The following DET1 variants were observed in gnomAD, a reference collection of about 807,000 sequenced individuals.
DET1 encodes DET1 partner of COP1 E3 ubiquitin ligase.
A neutral mutation model predicts 43.7 loss-of-function variants in DET1; 22 were observed. The ratio of observed to expected loss-of-function variants is 0.50; its 90% CI spans 0.36 to 0.72. The LOEUF (loss-of-function observed/expected upper bound fraction) is 0.72. DET1 is among the 30% of genes least tolerant of loss of function. The pLI is 0.00. For synonymous variants in DET1, 315 were observed against 266.2 expected, an observed-to-expected ratio of 1.18 and a Z score of -1.79; for missense variants, 713 against 713.3, an observed-to-expected ratio of 1.00 and a Z score of 0.00.
At chr15:88,543,203 C>T (rs764342643) in intron 1 of DET1, among the ~76,000 whole-genome samples, 1 of 152,144 alleles carries the variant, frequency 6.6e-6, no homozygotes, top group Admixed American at 6.5e-5. Flanking sequence ...ACTTTAAGAC[C>T]TTGGAGACAC....
intron 4 of DET1, among the ~76,000 whole-genome samples, chr15:88,514,581 C>T (rs1203292468): frequency 4.6e-5 from 7 of 152,154 alleles, no homozygotes; most frequent in Admixed American, 3.9e-4. Context: ...AATCATGGTA[C>T]ATCTATTTGA....
At position 88,535,567 on chromosome 15, in the gene DET1, G is replaced by A. The variant is rs1295883379; in HGVS notation, c.-10-3852C>T. On this transcript the variant is annotated intron_variant, in intron 1 of 4. Transcript: ENST00000268148. ...GCCCAGGAGTTCAAGACCAGCCTGG[G>A]CATCATGGCAAAACCCCATCTCTAC... 2.6e-5 allele frequency among the ~76,000 whole-genome samples: 4 copies of A among 152,108 alleles called. No homozygotes were observed. In the East Asian group the frequency reaches 5.8e-4, roughly 22 times the overall value.
At position 88,506,430 on chromosome 15, in the gene DET1, AT is replaced by A. The variant is rs35399927; in HGVS notation, c.*2066-2444del. Among the ~76,000 whole-genome samples, 986 of 148,558 alleles carry A rather than the reference AT, an allele frequency of 6.6e-3. 11 individuals are homozygous for A. Among genetic ancestry groups the A allele is most frequent in the African/African-American group, 0.02 (828 of 40,726 alleles). On this transcript the variant is annotated intron_variant and NMD_transcript_variant, in intron 7 of 8. Coordinates refer to the DET1 transcript ENST00000557842. ...TTGCCTGATAGGCAAAGACTTCAGA[AT>A]TTTTTTTTTTTCAAGCAGAGGGTTA...
At position 88,504,579 on chromosome 15, in the gene DET1, AT is replaced by A. The variant is rs2056120059; in HGVS notation, c.*2066-593del. Reference sequence around the variant, plus strand: ...GGACTGCCCCTCCCAGAGTTTGCTAATTCCTGGAGATAGCAAACAACTTGCC... The same window carrying A: ...GGACTGCCCCTCCCAGAGTTTGCTAATCCTGGAGATAGCAAACAACTTGCC... On this transcript the variant is annotated intron_variant and NMD_transcript_variant, in intron 7 of 8. Coordinates refer to the DET1 transcript ENST00000557842. This position sits in a 1 kb window ranked among gnomAD's most constrained non-coding sequence, Gnocchi z 4.7. 6.6e-6 allele frequency: 1 copy of A among 152,096 alleles called. No individual in the cohort carries two copies. Among genetic ancestry groups the A allele is most frequent in the Non-Finnish European group, 1.5e-5 (1 of 68,040 alleles). The allele number at this position is 152,096 out of a possible 1,614,324, so 9.4% of individuals were successfully genotyped here.
At chr15:88,527,543 G>A (rs190922142) in intron 3 of DET1, 56 bp downstream of exon 3, 441 of 1,484,808 alleles carry the variant, frequency 3.0e-4, no homozygotes, top group Middle Eastern at 1.6e-3. Flanking sequence ...AACAGCTATT[G>A]GCCTAACACC....
At chr15:88,523,466 T>C (rs902909309) in intron 3 of DET1, among the ~76,000 whole-genome samples, 2 of 152,132 alleles carry the variant, frequency 1.3e-5, no homozygotes, top group Non-Finnish European at 2.9e-5. Context: ...TTCTCCCCTT[T>C]ACACAGTCTC....
At chr15:88,512,264 G>T, downstream of DET1, 2 of 797,542 alleles carry the variant, frequency 2.5e-6, no homozygotes, top group Non-Finnish European at 3.0e-6. Flanking sequence ...ATTACACCCA[G>T]TTCCTCCAGC....
At chr15:88,525,796 G>C (rs1009055197) in intron 3 of DET1, among the ~76,000 whole-genome samples, 1 of 151,102 alleles carries the variant, frequency 6.6e-6, no homozygotes, top group Non-Finnish European at 1.5e-5. Flanking sequence ...CTAGTAGCTG[G>C]GACTACAGGC....
downstream of DET1, among the ~76,000 whole-genome samples, chr15:88,508,978 C>G (rs917600066): frequency 6.6e-6 from 1 of 152,140 alleles, no homozygotes; most frequent in East Asian, 1.9e-4. Flanking sequence ...AGACAGGATC[C>G]AGTGGACAGG....
chr15:88,533,753 A>G (rs1277988920), intron 1 of DET1, among the ~76,000 whole-genome samples: 1 of 150,880 alleles, frequency 6.6e-6, no homozygotes, highest in Non-Finnish European at 1.5e-5. Context: ...CAGGTGCCAT[A>G]GCACACACCT....
At chr15:88,511,504 C>A, downstream of DET1, 1 of 985,482 alleles carries the variant, frequency 1.0e-6, no homozygotes, top group South Asian at 4.7e-5. Flanking sequence ...GGTCATACAA[C>A]ACATTCCCAT....
At position 88,531,152 on chromosome 15, in the gene DET1, C is replaced by T. The variant is rs745794211; in HGVS notation, c.554G>A (p.Arg185Gln). 13 of 1,613,684 alleles carry T rather than the reference C, an allele frequency of 8.1e-6. No individual in the cohort carries two copies. The highest frequency in any genetic ancestry group is 1.7e-5 in the Admixed American group (1 of 59,984). The stretch of plus-strand genomic sequence containing the variant: ...GAGGGAATAGTCTTCTAGAGGGGAC[C>T]GTGGGTTGGGGGTCACTGATTCACT... ...RNSESVTPNP[R>Q]SPLEDYSLHI... Residue 185 changes from arginine to glutamine, a missense_variant, in exon 2 of 5, where the codon CGG becomes CAG. Physicochemically the swap from Arg to Gln is conservative, Grantham distance 43. Transcript: ENST00000268148. The surrounding 1 kb of genome is among the most constrained non-coding windows in gnomAD (Gnocchi z 6.2).
chr15:88,530,663 C>A lies in DET1; in HGVS notation c.1043G>T (p.Ser348Ile). 1 of 1,613,272 alleles carries A rather than the reference C, an allele frequency of 6.2e-7. No individual in the cohort carries two copies. The highest frequency in any genetic ancestry group is 8.5e-7 in the Non-Finnish European group (1 of 1,179,472). Residue 348 changes from serine (S) to isoleucine (I), a missense_variant, in exon 2 of 5, where the codon AGT becomes ATT. By Grantham distance (142) the Ser-to-Ile change is moderately radical. Transcript: ENST00000268148. ...DENHLFIKYT[S>I]EDVVTLRVTD... Reference sequence around the variant, plus strand: ...GACTCGCAGTGTTACTACATCCTCACTAGTGTACTTGATAAACAGGTGGTT... The same window carrying A: ...GACTCGCAGTGTTACTACATCCTCAATAGTGTACTTGATAAACAGGTGGTT...
intron 3 of DET1, among the ~76,000 whole-genome samples, chr15:88,522,535 A>T (rs1598325513): frequency 1.3e-4 from 2 of 15,046 alleles, no homozygotes; most frequent in African/African-American, 4.3e-4. Context: ...TTTGAGTTGG[A>T]GTCTCGTTCT....
At chr15:88,534,267 C>G (rs2056891478) in intron 1 of DET1, among the ~76,000 whole-genome samples, 1 of 152,152 alleles carries the variant, frequency 6.6e-6, no homozygotes, top group African/African-American at 2.4e-5. Flanking sequence ...AGTTATAAAG[C>G]TGTTGCCAGA....
downstream of DET1, chr15:88,512,434 G>C (rs184292319): frequency 1.6e-4 from 155 of 985,716 alleles, no homozygotes; most frequent in African/African-American, 2.6e-3. Context: ...GTACTTGAAA[G>C]CATTGAGTAT....
intron 1 of DET1, among the ~76,000 whole-genome samples, chr15:88,544,165 G>A (rs906516437): frequency 3.3e-5 from 5 of 152,164 alleles, no homozygotes; most frequent in African/African-American, 1.2e-4. Context: ...ATAGCTCAGT[G>A]GGTCAGTTAG....
chr15:88,538,434 C>T (rs1361454342), intron 1 of DET1, among the ~76,000 whole-genome samples: 1 of 151,250 alleles, frequency 6.6e-6, no homozygotes, highest in East Asian at 1.9e-4. Context: ...ACCATTTATC[C>T]TTTTAACTTT....
chr15:88,515,864 G>A (rs920270033), intron 4 of DET1, among the ~76,000 whole-genome samples: 2 of 151,964 alleles, frequency 1.3e-5, no homozygotes, highest in African/African-American at 4.8e-5. Context: ...CTGTTGAAGT[G>A]GGTGATGGGT....
Sources: gnomAD v4.1 joint callset for allele counts (sites outside exome capture counted in the v4.1 genomes callset) on GRCh38, gnomAD v4.1.1 for gene constraint, Gnocchi (gnomAD v3.1) non-coding constraint, MANE v1.5 for transcripts, NCBI Gene and HGNC (gene_info 2026-07-23, HGNC 2026-07-21) for gene names.